MYLK4: variants seen among roughly 807,000 people sequenced by gnomAD.
MYLK4 encodes the protein caMLCK like.
Under a neutral mutation model 48.1 loss-of-function variants are expected in MYLK4, and 46 were observed. The ratio of observed to expected loss-of-function variants is 0.96; its 90% CI spans 0.75 to 1.22. The LOEUF (loss-of-function observed/expected upper bound fraction) is 1.22. MYLK4 is among the 50% of genes most tolerant of loss of function. The pLI, the probability that MYLK4 is intolerant of heterozygous loss-of-function variation, is 0.00. For missense variants in MYLK4, 451 were observed against 486.1 expected, an observed-to-expected ratio of 0.93 and a Z score of 0.68; for synonymous variants, 170 against 180.8, an observed-to-expected ratio of 0.94 and a Z score of 0.48.
the MYLK4 span, chr6:2,766,315 G>A: frequency 6.2e-7 from 1 of 1,610,280 alleles, no homozygotes; most frequent in African/African-American, 1.3e-5. Context: ...CCGACACGAT[G>A]CGTCCTGACA....
rs375386583 is a variant in MYLK4 at position 2,718,110 on chromosome 6, G to A, written c.160-25251C>T. ...CAGGAGAATCATTTGAACCTGGGAG[G>A]TGGAGATTGCAGTGAGCCGAGATCA... On this transcript the variant is annotated intron_variant, in intron 2 of 12. Coordinates refer to ENST00000274643, the MANE Select transcript of MYLK4 (RefSeq NM_001012418.5). Among the ~76,000 whole-genome samples the A allele has an allele frequency of 2.0e-3, 294 of 150,492 alleles. 1 individual carries two copies. Among genetic ancestry groups the A allele is most frequent in the African/African-American group, 6.8e-3 (279 of 40,730 alleles).
At chr6:2,698,975 A>T (rs1762171782) in intron 2 of MYLK4, among the ~76,000 whole-genome samples, 1 of 152,242 alleles carries the variant, frequency 6.6e-6, no homozygotes, top group African/African-American at 2.4e-5. Context: ...AGAACTCAGT[A>T]AGTGGATCCT....
At chr6:2,688,684 C>T (rs1761656157) in intron 4 of MYLK4, among the ~76,000 whole-genome samples, 167 bp downstream of exon 4, 1 of 152,216 alleles carries the variant, frequency 6.6e-6, no homozygotes, top group African/African-American at 2.4e-5. Flanking sequence ...TTAGTCACCA[C>T]ATTAACCTTT....
intron 2 of MYLK4, among the ~76,000 whole-genome samples, chr6:2,699,304 T>TTTTTTTTG: frequency 7.4e-6 from 1 of 135,418 alleles, no homozygotes; most frequent in Non-Finnish European, 1.6e-5. Context: ...TTTTTTTTTT[T>TTTTTTTTG]TTTTTGATAT....
At chr6:2,705,224 AC>A (rs201251236) in intron 2 of MYLK4, among the ~76,000 whole-genome samples, 6,529 of 152,266 alleles carry the variant, frequency 0.043, 188 homozygotes, top group Middle Eastern at 0.075. Flanking sequence ...TGAGGCCTTC[AC>A]TTGGGTTCAG....
chr6:2,710,099 T>A (rs1762621632), intron 2 of MYLK4, among the ~76,000 whole-genome samples: 1 of 152,176 alleles, frequency 6.6e-6, no homozygotes, highest in Non-Finnish European at 1.5e-5. Context: ...ATCAAAAATA[T>A]ATTCTTAAAA....
intron 9 of MYLK4, among the ~76,000 whole-genome samples, chr6:2,678,860 C>T (rs1186305022): frequency 9.9e-5 from 15 of 152,050 alleles, no homozygotes; most frequent in Admixed American, 2.6e-4. Context: ...CATGCCACCA[C>T]GCACGGCTGA....
the MYLK4 span, chr6:2,765,365 C>T: frequency 3.1e-6 from 1 of 318,164 alleles, no homozygotes; most frequent in African/African-American, 2.2e-5. Context: ...CGAGGCGCCT[C>T]CGCCGCCGGG....
At chr6:2,765,194 G>T in the MYLK4 span, among the ~76,000 whole-genome samples, 1 of 56,662 alleles carries the variant, frequency 1.8e-5, no homozygotes, top group African/African-American at 6.9e-5. Context: ...CCCCCCCCCC[G>T]CCCCTCCCCC....
At chr6:2,675,689 G>A (rs1761054073) in intron 10 of MYLK4, among the ~76,000 whole-genome samples, 1 of 151,950 alleles carries the variant, frequency 6.6e-6, no homozygotes, top group Non-Finnish European at 1.5e-5. Flanking sequence ...TAAGATTTTG[G>A]GAAATAATAT....
intron 1 of MYLK4, among the ~76,000 whole-genome samples, chr6:2,749,921 C>T (rs1238591555): frequency 6.6e-6 from 1 of 152,228 alleles, no homozygotes; most frequent in African/African-American, 2.4e-5. Flanking sequence ...TTACAGTCTT[C>T]TCACGTGGAC....
At position 2,685,835 on chromosome 6, in the gene MYLK4, C is replaced by T. The variant is rs1761519081; in HGVS notation, c.342-259G>A. ...CCTGTAATCCCAGCACTTTGGGAGG[C>T]CGAGGCGGGAGGATCACGAGGTCAG... On this transcript the variant is annotated intron_variant, in intron 4 of 12. Coordinates refer to ENST00000274643, the MANE Select transcript of MYLK4 (RefSeq NM_001012418.5). The surrounding 1 kb of genome is among the most constrained non-coding windows in gnomAD (Gnocchi z 4.5). Among the ~76,000 whole-genome samples, 1 of 152,042 alleles carries T rather than the reference C, an allele frequency of 6.6e-6. No individual in the cohort carries two copies. The highest frequency in any genetic ancestry group is 1.5e-5 in the Non-Finnish European group (1 of 67,988).
At position 2,692,716 on chromosome 6, in the gene MYLK4, A is replaced by G; in HGVS notation, c.235+68T>C. The G allele has an allele frequency of 4.2e-6, 6 of 1,429,560 alleles. No homozygotes were observed. The South Asian group carries it at 6.0e-5, about 14-fold the overall frequency. 88.6% of individuals were successfully genotyped at this position (1,429,560 alleles called of 1,614,324 possible). On this transcript the variant is annotated intron_variant, in intron 3 of 12. Transcript: ENST00000274643. ...CTTTATGAATGTGCAACTTCCTCTG[A>G]ATAACAACAGGACTTTTATAACGGA...
chr6:2,701,016 T>C (rs4959200), intron 2 of MYLK4, among the ~76,000 whole-genome samples: 136,321 of 152,268 alleles, frequency 0.9, 61,107 homozygotes, highest in East Asian at 1. Context: ...ACTAAGAAAT[T>C]GAGAGCGTGA....
chr6:2,758,903 CCATTTAGGGCTGCTATGAA>C, the MYLK4 span, among the ~76,000 whole-genome samples: 1 of 152,166 alleles, frequency 6.6e-6, no homozygotes, highest in African/African-American at 2.4e-5. Context: ...TGGCTGTTTT[CCATTTAGGGCTGCTATGAA>C]CACCAATGTG....
At chr6:2,687,064 G>A (rs1370319900) in intron 4 of MYLK4, among the ~76,000 whole-genome samples, 1 of 152,156 alleles carries the variant, frequency 6.6e-6, no homozygotes, top group East Asian at 1.9e-4. Context: ...TATGCTCATT[G>A]AACATGGCAA....
rs530113023 is a variant in MYLK4 at position 2,672,340 on chromosome 6, C to T, written c.1120-992G>A. Among the ~76,000 whole-genome samples, 25 of 151,934 alleles carry T rather than the reference C, an allele frequency of 1.6e-4. No homozygotes were observed. Among genetic ancestry groups the T allele is most frequent in the Middle Eastern group, 3.2e-3 (1 of 314 alleles). On this transcript the variant is annotated intron_variant, in intron 11 of 12. Coordinates refer to ENST00000274643, the MANE Select transcript of MYLK4 (RefSeq NM_001012418.5). The surrounding 1 kb of genome is among the most constrained non-coding windows in gnomAD (Gnocchi z 4.3). ...CAGGTTATACACAGAGGGTTGGGGA[C>T]GTAAGAAAGGCTGCAAACCATCGCA...
chr6:2,759,845 T>C, the MYLK4 span, among the ~76,000 whole-genome samples: 1 of 152,216 alleles, frequency 6.6e-6, no homozygotes, highest in Admixed American at 6.5e-5. Flanking sequence ...ATGATTGAAG[T>C]AGACTTTTGT....
At chr6:2,769,517 A>G in the MYLK4 span, among the ~76,000 whole-genome samples, 1 of 152,132 alleles carries the variant, frequency 6.6e-6, no homozygotes, top group African/African-American at 2.4e-5. Context: ...TTTTTTTGTA[A>G]CTTTTTAATC....
Sources: allele counts gnomAD v4.1 joint callset (sites outside exome capture counted in the v4.1 genomes callset), GRCh38; gene constraint gnomAD v4.1.1; non-coding constraint Gnocchi (gnomAD v3.1); transcripts MANE v1.5; gene names NCBI Gene and HGNC (gene_info 2026-07-23, HGNC 2026-07-21).